Variants in SCAMP1 observed in about 807,000 individuals in gnomAD.
SCAMP1 encodes the protein secretory carrier membrane protein 1.
SCAMP1 carries 15 observed loss-of-function variants against 41.8 expected under a neutral mutation model. The ratio of observed to expected loss-of-function variants is 0.36; its 90% CI spans 0.24 to 0.55. SCAMP1 has a LOEUF of 0.55. Among genes scored for constraint, SCAMP1 ranks in the 20% least tolerant of loss-of-function variants. The probability of loss-of-function intolerance (pLI) is 0.86; values close to 1 mark genes in which losing one functional copy is unlikely to be tolerated. For synonymous variants in SCAMP1, 135 were observed against 136.8 expected, an observed-to-expected ratio of 0.99 and a Z score of 0.09; for missense variants, 341 against 412.6, an observed-to-expected ratio of 0.83 and a Z score of 1.50.
intron 1 of SCAMP1, among the ~76,000 whole-genome samples, chr5:78,384,724 T>G (rs1421406894): frequency 1.3e-5 from 2 of 152,266 alleles, no homozygotes; most frequent in African/African-American, 4.8e-5. Context: ...TAATTCTTGT[T>G]TTTAATTCTG....
chr5:78,374,568 GTTTTCTATATTATT>G (rs902461574), intron 1 of SCAMP1, among the ~76,000 whole-genome samples: 2 of 151,988 alleles, frequency 1.3e-5, no homozygotes, highest in African/African-American at 4.8e-5. Context: ...AGAATTTCTT[GTTTTCTATATTATT>G]TAGGTTCATT....
intron 6 of SCAMP1, among the ~76,000 whole-genome samples, chr5:78,423,455 G>A (rs1396616373): frequency 6.6e-6 from 1 of 151,858 alleles, no homozygotes; most frequent in East Asian, 1.9e-4. Context: ...GTTTTTTTTG[G>A]ACATCTAACC....
At chr5:78,422,007 A>G (rs1384602097) in intron 6 of SCAMP1, 47 bp downstream of exon 6, 1 of 1,491,448 alleles carries the variant, frequency 6.7e-7, no homozygotes. Flanking sequence ...CCTGTGAAGT[A>G]AATAATTCGT....
In SCAMP1 at chr5:78,388,867, G is replaced by A. The variant is rs2112085383; in HGVS notation, c.88G>A (p.Val30Ile). ...ATCAGTTACACAAGTGACAAGAAAT[G>A]TTCCACCAGGACTTGATGAATATAA... ...DPSVTQVTRN[V>I]PPGLDEYNPF... The change falls in exon 2 of 9, where the codon GTT becomes ATT. Residue 30 changes from valine (V) to isoleucine (I), a missense_variant. Coordinates refer to ENST00000621999, the MANE Select transcript of SCAMP1 (RefSeq NM_004866.6). 5.8e-6 allele frequency: 9 copies of A among 1,561,986 alleles called. No homozygotes were observed. Among genetic ancestry groups the A allele is most frequent in the African/African-American group, 4.1e-5 (3 of 74,054 alleles).
intron 2 of SCAMP1, among the ~76,000 whole-genome samples, chr5:78,412,440 T>G (rs1346058809): frequency 4.6e-5 from 7 of 152,188 alleles, no homozygotes; most frequent in African/African-American, 1.7e-4. Context: ...GATACAGGGA[T>G]TTTGTTTTTC....
At chr5:78,461,267 G>T (rs768597684) in intron 8 of SCAMP1, among the ~76,000 whole-genome samples, 3 of 152,206 alleles carry the variant, frequency 2.0e-5, no homozygotes, top group Non-Finnish European at 4.4e-5. Flanking sequence ...ATGTCTAGAA[G>T]AGTATTTCCT....
intron 2 of SCAMP1, among the ~76,000 whole-genome samples, chr5:78,399,607 ATCT>A (rs796402232): frequency 9.1e-4 from 138 of 152,302 alleles, no homozygotes; most frequent in African/African-American, 3.1e-3. Flanking sequence ...CCATCTTTGT[ATCT>A]TCTTTTATGA....
chr5:78,361,305 C>A (rs796583865), intron 1 of SCAMP1, among the ~76,000 whole-genome samples: 1 of 152,080 alleles, frequency 6.6e-6, no homozygotes, highest in African/African-American at 2.4e-5. Flanking sequence ...GCGCTGCCAT[C>A]CCCCCTCTTT....
rs190268450 is a variant in SCAMP1, at chr5:78,435,674, C to T, written c.632+13714C>T. Among the ~76,000 whole-genome samples the T allele has an allele frequency of 2.4e-3, 363 of 152,132 alleles. 9 individuals are homozygous for T. Among genetic ancestry groups the T allele is most frequent in the Non-Finnish European group, 7.1e-4 (48 of 67,976 alleles). The stretch of plus-strand genomic sequence containing the variant: ...AAGTCTTTGCTATTGTGAATAGTGC[C>T]GGAGTAAACATACGTGTGCTTGTGT... On this transcript the variant is annotated intron_variant, in intron 6 of 8. Transcript: ENST00000621999.
At chr5:78,400,876 G>A (rs1200499353) in intron 2 of SCAMP1, among the ~76,000 whole-genome samples, 1 of 152,086 alleles carries the variant, frequency 6.6e-6, no homozygotes, top group Admixed American at 6.5e-5. Context: ...CTAGTACAAT[G>A]TTGAAAAGGA....
intron 1 of SCAMP1, among the ~76,000 whole-genome samples, chr5:78,379,462 A>G (rs1035123182): frequency 1.3e-5 from 2 of 152,186 alleles, no homozygotes; most frequent in African/African-American, 4.8e-5. Context: ...ATCTAGTGTC[A>G]TTCTTGGTAT....
chr5:78,461,832 G>A (rs745998872), intron 8 of SCAMP1, among the ~76,000 whole-genome samples: 15 of 152,162 alleles, frequency 9.9e-5, no homozygotes, highest in Non-Finnish European at 1.6e-4. Flanking sequence ...CCAAAGTGCT[G>A]GGATTACAGG....
At chr5:78,406,166 A>G (rs1751929685) in intron 2 of SCAMP1, among the ~76,000 whole-genome samples, 1 of 152,206 alleles carries the variant, frequency 6.6e-6, no homozygotes, top group African/African-American at 2.4e-5. Context: ...AAGGTGTCTA[A>G]GAATCACCAT....
At chr5:78,413,981 A>G (rs912538093) in intron 2 of SCAMP1, among the ~76,000 whole-genome samples, 12 of 145,086 alleles carry the variant, frequency 8.3e-5, no homozygotes, top group Non-Finnish European at 1.5e-4. Context: ...CTTTTCTGTT[A>G]CTGTTTTTGC....
At chr5:78,401,948 A>G (rs1751809703) in intron 2 of SCAMP1, among the ~76,000 whole-genome samples, 1 of 152,130 alleles carries the variant, frequency 6.6e-6, no homozygotes. Context: ...CTTATCAAAT[A>G]TATGCACTCA....
rs188150642 is a variant in SCAMP1 at position 78,450,582 on chromosome 5, G to A, written c.734+548G>A. On this transcript the variant is annotated intron_variant, in intron 7 of 8. Transcript: ENST00000621999. Reference sequence around the variant, plus strand: ...AGAAATGGAGACTATCTGGACCCAGGCTAGGAGGTAATAGCAGATTTAGGT... The same window carrying A: ...AGAAATGGAGACTATCTGGACCCAGACTAGGAGGTAATAGCAGATTTAGGT... Among the ~76,000 whole-genome samples the A allele has an allele frequency of 1.0e-3, 157 of 152,280 alleles. 1 individual carries two copies. Among genetic ancestry groups the A allele is most frequent in the African/African-American group, 3.8e-3 (156 of 41,552 alleles).
chr5:78,444,600 A>C (rs1429498604), intron 6 of SCAMP1, among the ~76,000 whole-genome samples: 1 of 152,116 alleles, frequency 6.6e-6, no homozygotes, highest in African/African-American at 2.4e-5. Flanking sequence ...TTTTATTCTA[A>C]TGCCTGTACA....
At chr5:78,468,076 T>C (rs1414493195) in intron 8 of SCAMP1, among the ~76,000 whole-genome samples, 2 of 152,168 alleles carry the variant, frequency 1.3e-5, no homozygotes, top group South Asian at 2.1e-4. Flanking sequence ...TTTATCCTAA[T>C]TGAAGTGAAT....
chr5:78,445,694 G>A (rs552300943), intron 6 of SCAMP1, among the ~76,000 whole-genome samples: 2 of 151,862 alleles, frequency 1.3e-5, no homozygotes, highest in Admixed American at 6.6e-5. Context: ...TCTCCTGGGT[G>A]TCTTCTGGCT....
Sources: gnomAD v4.1 joint callset for allele counts (sites outside exome capture counted in the v4.1 genomes callset) on GRCh38, gnomAD v4.1.1 for gene constraint, MANE v1.5 for transcripts, NCBI Gene and HGNC (gene_info 2026-07-23, HGNC 2026-07-21) for gene names.